The following RALYL variants were observed in gnomAD, a reference collection of about 807,000 sequenced individuals.
RALYL encodes the protein RNA-binding Raly-like protein.
A neutral mutation model predicts 35.1 loss-of-function variants in RALYL; 29 were observed. The ratio of observed to expected loss-of-function variants is 0.83; its 90% CI spans 0.61 to 1.13. The LOEUF is 1.13. Ranked by LOEUF, RALYL falls within the 50% of genes most tolerant of loss-of-function variation. The probability of loss-of-function intolerance (pLI) is 0.00; values close to 1 mark genes in which losing one functional copy is unlikely to be tolerated. For missense variants in RALYL, 359 were observed against 360.4 expected, an observed-to-expected ratio of 1.00 and a Z score of 0.03; for synonymous variants, 120 against 127.6, an observed-to-expected ratio of 0.94 and a Z score of 0.40.
chr8:84,219,121 T>C (rs574513104), intron 1 of RALYL, among the ~76,000 whole-genome samples: 106 of 152,194 alleles, frequency 7.0e-4, no homozygotes, highest in African/African-American at 2.5e-3. Context: ...TGTACTGATA[T>C]GGTTATGCTT....
intron 1 of RALYL, among the ~76,000 whole-genome samples, chr8:84,344,520 G>A (rs1342007049): frequency 6.6e-6 from 1 of 151,870 alleles, no homozygotes; most frequent in Non-Finnish European, 1.5e-5. Flanking sequence ...TTCTTATTCT[G>A]GGGGTGTGTT....
At chr8:84,806,269 T>A (rs1824576227) in intron 4 of RALYL, among the ~76,000 whole-genome samples, 1 of 152,168 alleles carries the variant, frequency 6.6e-6, no homozygotes, top group African/African-American at 2.4e-5. Context: ...TGATAAAGCA[T>A]GCTTTTTTCC....
chr8:84,770,530 C>T (rs1369631572), intron 2 of RALYL, among the ~76,000 whole-genome samples: 1 of 150,424 alleles, frequency 6.6e-6, no homozygotes, highest in Non-Finnish European at 1.5e-5. Flanking sequence ...GTATCTTTTT[C>T]GTATAATGAC....
intron 4 of RALYL, among the ~76,000 whole-genome samples, chr8:84,815,103 A>G (rs1422247417): frequency 6.6e-6 from 1 of 152,144 alleles, no homozygotes; most frequent in Admixed American, 6.5e-5. Flanking sequence ...AATGTCCACA[A>G]TCCCTCCCTG....
At chr8:84,722,617 TTATATATATATATATA>T in intron 2 of RALYL, among the ~76,000 whole-genome samples, 1 of 97,366 alleles carries the variant, frequency 1.0e-5, no homozygotes, top group South Asian at 3.1e-4. Context: ...TAGAGTGATT[TTATATATATATATATA>T]TATATATATA....
intron 1 of RALYL, among the ~76,000 whole-genome samples, chr8:84,357,055 G>A (rs1586568469): frequency 6.6e-6 from 1 of 152,018 alleles, no homozygotes; most frequent in African/African-American, 2.4e-5. Context: ...GTAACATTCC[G>A]ATTAAGACAA....
chr8:84,241,318 A>G (rs13253565), intron 1 of RALYL, among the ~76,000 whole-genome samples: 75,587 of 151,778 alleles, frequency 0.5, 18,955 homozygotes, highest in South Asian at 0.57. Flanking sequence ...GCTTGTTTCT[A>G]TTGGACTTTC....
At position 84,202,163 on chromosome 8, in the gene RALYL, T is replaced by C. The variant is rs1816993974; in HGVS notation, c.-24+17739T>C. 3.3e-5 allele frequency among the ~76,000 whole-genome samples: 5 copies of C among 151,982 alleles called. No individual in the cohort carries two copies. In the South Asian group the frequency reaches 1.0e-3, roughly 32 times the overall value. On this transcript the variant is annotated intron_variant, in intron 1 of 8. Coordinates refer to ENST00000521268, the MANE Select transcript of RALYL (RefSeq NM_173848.7). ...TGTAATATTGCAGTTTTGTATGCAC[T>C]TTTATTTTATATGAATTTATAGACT...
intron 3 of RALYL, among the ~76,000 whole-genome samples, chr8:84,794,024 G>T (rs979232089): frequency 2.6e-5 from 4 of 152,172 alleles, no homozygotes; most frequent in African/African-American, 9.7e-5. Flanking sequence ...GATCAGAGAT[G>T]GTGAGGTTGA....
intron 8 of RALYL, among the ~76,000 whole-genome samples, chr8:84,915,068 A>C (rs916758754): frequency 1.3e-5 from 2 of 152,040 alleles, no homozygotes; most frequent in Non-Finnish European, 2.9e-5. Flanking sequence ...CCAAGAACCT[A>C]CCTCACTGAT....
At chr8:84,563,149 A>G (rs1469468603) in intron 2 of RALYL, among the ~76,000 whole-genome samples, 3 of 151,858 alleles carry the variant, frequency 2.0e-5, no homozygotes, top group African/African-American at 7.2e-5. Flanking sequence ...ACTCAGGAGT[A>G]GAGCAATTTC....
intron 1 of RALYL, among the ~76,000 whole-genome samples, chr8:84,252,930 A>G (rs1006013344): frequency 1.3e-5 from 2 of 152,060 alleles, no homozygotes; most frequent in African/African-American, 4.8e-5. Flanking sequence ...TTGCTTCCAC[A>G]TAGCTTTATT....
At chr8:84,358,705 G>A (rs1586579892) in intron 1 of RALYL, among the ~76,000 whole-genome samples, 1 of 151,982 alleles carries the variant, frequency 6.6e-6, no homozygotes, top group African/African-American at 2.4e-5. Flanking sequence ...TAACTGCACT[G>A]GTGAAACTGT....
chr8:84,841,094 C>T (rs1833199137), intron 4 of RALYL, among the ~76,000 whole-genome samples: 1 of 152,156 alleles, frequency 6.6e-6, no homozygotes, highest in Admixed American at 6.5e-5. Context: ...ATCATAATGA[C>T]AGGATCAAAT....
intron 1 of RALYL, among the ~76,000 whole-genome samples, chr8:84,296,300 A>G (rs1839729257): frequency 6.6e-6 from 1 of 152,120 alleles, no homozygotes; most frequent in Non-Finnish European, 1.5e-5. Context: ...GTAATTATTC[A>G]AGATGTGGAA....
At chr8:84,278,964 A>G (rs1364990830) in intron 1 of RALYL, among the ~76,000 whole-genome samples, 3 of 152,170 alleles carry the variant, frequency 2.0e-5, no homozygotes, top group Non-Finnish European at 4.4e-5. Context: ...CACTCCTGGT[A>G]CCAATTTACT....
At chr8:84,715,341 A>G (rs10103984) in intron 2 of RALYL, among the ~76,000 whole-genome samples, 9,429 of 151,904 alleles carry the variant, frequency 0.062, 704 homozygotes, top group African/African-American at 0.17. Context: ...TTTTTATTAT[A>G]ATTTCAAAAT....
At chr8:84,755,572 C>T (rs971142988) in intron 2 of RALYL, among the ~76,000 whole-genome samples, 2 of 152,096 alleles carry the variant, frequency 1.3e-5, no homozygotes, top group Non-Finnish European at 2.9e-5. Flanking sequence ...GTTGTTTTTA[C>T]AGAATGAATA....
chr8:84,807,386 T>C (rs999532434), intron 4 of RALYL, among the ~76,000 whole-genome samples: 2 of 152,208 alleles, frequency 1.3e-5, no homozygotes, highest in East Asian at 3.9e-4. Flanking sequence ...CATATAAATA[T>C]ACACCACAAT....
Sources: gnomAD v4.1 joint callset for allele counts (sites outside exome capture counted in the v4.1 genomes callset) on GRCh38, gnomAD v4.1.1 for gene constraint, MANE v1.5 for transcripts, NCBI Gene and HGNC (gene_info 2026-07-23, HGNC 2026-07-21) for gene names.